NLGN1: variants seen among roughly 807,000 people sequenced by gnomAD.
The protein encoded by NLGN1 is neuroligin 1.
Under a neutral mutation model 65.5 loss-of-function variants are expected in NLGN1, and 12 were observed. That is an observed-to-expected ratio of 0.18 (90% confidence interval 0.12 to 0.30). NLGN1 has a LOEUF of 0.30. Among genes scored for constraint, NLGN1 ranks in the 10% least tolerant of loss-of-function variants. The probability of loss-of-function intolerance (pLI) is 1.00; values close to 1 mark genes in which losing one functional copy is unlikely to be tolerated. For synonymous variants in NLGN1, 350 were observed against 359.5 expected (o/e 0.97, Z 0.30); for missense variants, 750 against 1,007.1 (o/e 0.74, Z 3.46).
At chr3:173,506,923 G>A (rs566162732) in intron 2 of NLGN1, among the ~76,000 whole-genome samples, 3 of 152,260 alleles carry the variant, frequency 2.0e-5, no homozygotes, top group Admixed American at 6.5e-5. Context: ...AATGTCACAA[G>A]TTGTACATTT....
At chr3:173,561,574 A>T (rs1243670674) in intron 2 of NLGN1, among the ~76,000 whole-genome samples, 1 of 152,184 alleles carries the variant, frequency 6.6e-6, no homozygotes, top group Non-Finnish European at 1.5e-5. Flanking sequence ...ATAATGGCAA[A>T]AATTAAATAT....
chr3:174,154,682 G>T (rs1724991586), intron 4 of NLGN1, among the ~76,000 whole-genome samples: 1 of 151,476 alleles, frequency 6.6e-6, no homozygotes, highest in South Asian at 2.1e-4. Flanking sequence ...CAATGAAAGT[G>T]ATTACATAGG....
chr3:173,950,634 G>A (rs529267399), intron 4 of NLGN1, among the ~76,000 whole-genome samples: 215 of 151,982 alleles, frequency 1.4e-3, no homozygotes, highest in African/African-American at 4.9e-3. Flanking sequence ...CCAATGTGGC[G>A]AAACCCTGTC....
In NLGN1 at chr3:173,990,784, G is replaced by A. The variant is rs558984276; in HGVS notation, c.646+182952G>A. Among the ~76,000 whole-genome samples, 3 of 152,188 alleles carry A rather than the reference G, an allele frequency of 2.0e-5. No individual in the cohort carries two copies. In the East Asian group the frequency reaches 5.8e-4, roughly 29 times the overall value. ...ATATTCATAAATATTTTATCCTAAT[G>A]AAAGATATTAATTCTATATTTTAAA... is the stretch of plus-strand genomic sequence containing the variant. On this transcript the variant is annotated intron_variant, in intron 4 of 6. Transcript: ENST00000457714.
intron 3 of NLGN1, among the ~76,000 whole-genome samples, chr3:173,804,214 T>G (rs1371006947): frequency 2.0e-5 from 3 of 152,162 alleles, no homozygotes; most frequent in Admixed American, 6.5e-5. Context: ...TTAGTAAGGC[T>G]TAAAACCATT....
At chr3:173,416,816 A>C (rs1008783943) in intron 1 of NLGN1, among the ~76,000 whole-genome samples, 5 of 152,152 alleles carry the variant, frequency 3.3e-5, no homozygotes, top group Non-Finnish European at 4.4e-5. Flanking sequence ...TCACTTTAAT[A>C]TATATAGTTA....
intron 4 of NLGN1, among the ~76,000 whole-genome samples, chr3:174,218,900 C>T (rs1039537614): frequency 3.3e-5 from 5 of 151,980 alleles, no homozygotes; most frequent in African/African-American, 9.7e-5. Flanking sequence ...GGATTGCCTC[C>T]GGGCTGTTAT....
At chr3:174,158,308 G>A (rs9861048) in intron 4 of NLGN1, among the ~76,000 whole-genome samples, 3,109 of 151,816 alleles carry the variant, frequency 0.02, 70 homozygotes, top group African/African-American at 0.047. Flanking sequence ...TTATTTGAGC[G>A]TGTATTCCTT....
chr3:173,602,125 C>A (rs1401075199), intron 2 of NLGN1, among the ~76,000 whole-genome samples: 1 of 151,950 alleles, frequency 6.6e-6, no homozygotes, highest in African/African-American at 2.4e-5. Flanking sequence ...GTCTGAGTTC[C>A]TCATGAGTAA....
chr3:173,688,478 G>A (rs1450099288), intron 3 of NLGN1, among the ~76,000 whole-genome samples: 4 of 152,098 alleles, frequency 2.6e-5, no homozygotes, highest in South Asian at 4.1e-4. Context: ...AGTGGAGAGC[G>A]ACTAAAAAGG....
rs552179268 is a variant in NLGN1 at position 173,629,716 on chromosome 3, A to G, written c.493+24625A>G. Among the ~76,000 whole-genome samples, 11 of 152,098 alleles carry G rather than the reference A, an allele frequency of 7.2e-5. No homozygotes were observed. In the South Asian group the frequency reaches 2.3e-3, roughly 32 times the overall value. On this transcript the variant is annotated intron_variant, in intron 3 of 6. Transcript: ENST00000457714. Reference sequence around the variant, plus strand: ...CCTTTGAATCATGTATGCATAACTAATGCCTTTATCTCCAGCTCCTTGACA... The same window carrying G: ...CCTTTGAATCATGTATGCATAACTAGTGCCTTTATCTCCAGCTCCTTGACA...
At chr3:173,565,645 T>G (rs1354283703) in intron 2 of NLGN1, among the ~76,000 whole-genome samples, 2 of 152,172 alleles carry the variant, frequency 1.3e-5, no homozygotes, top group Non-Finnish European at 2.9e-5. Flanking sequence ...AAGGTAACTC[T>G]CACCACAGAG....
intron 4 of NLGN1, among the ~76,000 whole-genome samples, chr3:173,968,318 T>C (rs1333288400): frequency 1.3e-5 from 2 of 152,170 alleles, no homozygotes; most frequent in African/African-American, 2.4e-5. Context: ...TTATTTTATC[T>C]TCCATACAAG....
At chr3:173,508,345 C>T (rs1400545245) in intron 2 of NLGN1, among the ~76,000 whole-genome samples, 1 of 152,140 alleles carries the variant, frequency 6.6e-6, no homozygotes, top group African/African-American at 2.4e-5. Context: ...TTTTTTCTGA[C>T]AGATCCTTTT....
intron 4 of NLGN1, among the ~76,000 whole-genome samples, chr3:173,963,771 C>G (rs1175316293): frequency 6.6e-6 from 1 of 152,148 alleles, no homozygotes; most frequent in Non-Finnish European, 1.5e-5. Flanking sequence ...CAAAAGGTGT[C>G]TAATTGGCTT....
At position 174,279,383 on chromosome 3, in the gene NLGN1, C is replaced by T. The variant is rs201897162; in HGVS notation, c.1382C>T (p.Thr461Met). 1 of 1,613,350 alleles carries T rather than the reference C, an allele frequency of 6.2e-7. No individual in the cohort carries two copies. Residue 461 changes from threonine (T) to methionine (M), a missense_variant, in exon 6 of 7, where the codon ACG (threonine) becomes ATG (methionine). Coordinates refer to ENST00000457714, the Ensembl canonical transcript of NLGN1. The surrounding 1 kb of genome is among the most constrained non-coding windows in gnomAD (Gnocchi z 4.7). ...AGAAAGACATTACTGGCTTTGTTTA[C>T]GGACCATCAGTGGGTGGCACCAGCT...
intron 3 of NLGN1, among the ~76,000 whole-genome samples, chr3:173,753,944 A>ATAAT (rs1553836502): frequency 2.6e-5 from 3 of 116,696 alleles, no homozygotes; most frequent in African/African-American, 2.7e-5. Context: ...ATAATATAAT[A>ATAAT]ATAATATAAT....
chr3:173,759,416 A>G (rs1777620935), intron 3 of NLGN1, among the ~76,000 whole-genome samples: 1 of 151,998 alleles, frequency 6.6e-6, no homozygotes, highest in African/African-American at 2.4e-5. Flanking sequence ...TGGTTCATCA[A>G]TTAACGTCTT....
intron 2 of NLGN1, among the ~76,000 whole-genome samples, chr3:173,512,620 A>G (rs1733165370): frequency 6.6e-6 from 1 of 152,210 alleles, no homozygotes; most frequent in South Asian, 2.1e-4. Flanking sequence ...ATAAAAAGAC[A>G]TTATTCAGAA....
Sources: gnomAD v4.1 joint callset for allele counts (sites outside exome capture counted in the v4.1 genomes callset) on GRCh38, gnomAD v4.1.1 for gene constraint, Gnocchi (gnomAD v3.1) non-coding constraint, MANE v1.5 for transcripts, NCBI Gene and HGNC (gene_info 2026-07-23, HGNC 2026-07-21) for gene names.